Variants in ATP6V0A1 observed in about 807,000 individuals in gnomAD.
ATP6V0A1 encodes ATPase H+ transporting V0 subunit a1.
Under a neutral mutation model 105.4 loss-of-function variants are expected in ATP6V0A1, and 43 were observed. That is an observed-to-expected ratio of 0.41 (90% CI 0.32 to 0.53). The LOEUF (loss-of-function observed/expected upper bound fraction) is 0.53, where lower values mean the gene tolerates loss of function less well. Among genes scored for constraint, ATP6V0A1 ranks in the 20% least tolerant of loss-of-function variants. ATP6V0A1 has a pLI of 0.30. For synonymous variants in ATP6V0A1, 362 were observed against 372.8 expected (o/e 0.97, Z 0.33); for missense variants, 676 against 1,051.1 (o/e 0.64, Z 4.93).
chr17:42,482,548 A>C (rs1312182243), intron 8 of ATP6V0A1, among the ~76,000 whole-genome samples: 1 of 151,892 alleles, frequency 6.6e-6, no homozygotes, highest in Non-Finnish European at 1.5e-5. Flanking sequence ...AGCTACAGAG[A>C]ATGTCAAGAT....
At chr17:42,466,798 C>A (rs2087128563) in intron 3 of ATP6V0A1, among the ~76,000 whole-genome samples, 1 of 151,972 alleles carries the variant, frequency 6.6e-6, no homozygotes, top group African/African-American at 2.4e-5. Flanking sequence ...GAAATAGGAC[C>A]CAGCACACCA....
At chr17:42,499,075 C>A in intron 15 of ATP6V0A1, 33 bp downstream of exon 15, 1 of 1,450,244 alleles carries the variant, frequency 6.9e-7, no homozygotes, top group Non-Finnish European at 9.7e-7. Flanking sequence ...TAAGAATGTG[C>A]ATAGTTTAGA....
At chr17:42,499,082 TAGAGAATGCTTTTGTGTAA>T (rs772497711) in intron 15 of ATP6V0A1, 40 bp downstream of exon 15, 1 of 1,391,966 alleles carries the variant, frequency 7.2e-7, no homozygotes, top group African/African-American at 1.4e-5. Context: ...GTGCATAGTT[TAGAGAATGCTTTTGTGTAA>T]AGAAATCATG....
chr17:42,505,945 G>A (rs905485100), intron 17 of ATP6V0A1, among the ~76,000 whole-genome samples: 47 of 150,940 alleles, frequency 3.1e-4, no homozygotes, highest in Admixed American at 3.0e-3. Context: ...CCACCTCTAC[G>A]CCCAACTAAT....
intron 9 of ATP6V0A1, among the ~76,000 whole-genome samples, chr17:42,486,811 A>G (rs1389736299): frequency 2.0e-5 from 3 of 152,164 alleles, no homozygotes; most frequent in Non-Finnish European, 4.4e-5. Flanking sequence ...ATGCCTACTG[A>G]GTTACATTCC....
chr17:42,480,942 G>C (rs8080161), intron 8 of ATP6V0A1, 193 bp downstream of exon 8: 9 of 456,126 alleles, frequency 2.0e-5, no homozygotes, highest in African/African-American at 1.0e-4. Flanking sequence ...TTGTTCAGAT[G>C]GGGGGGTCTC....
chr17:42,475,222 ATTGT>A (rs1310284438), intron 5 of ATP6V0A1, among the ~76,000 whole-genome samples: 1 of 152,168 alleles, frequency 6.6e-6, no homozygotes, highest in East Asian at 1.9e-4. Flanking sequence ...GATGGCAGTA[ATTGT>A]TTGTTCTTGG....
intron 15 of ATP6V0A1, among the ~76,000 whole-genome samples, chr17:42,499,521 C>A (rs1309394785): frequency 1.3e-5 from 2 of 151,588 alleles, no homozygotes; most frequent in African/African-American, 4.9e-5. Context: ...GGTGCAGTGG[C>A]TTACACTTGT....
At chr17:42,516,500 CCTCAGTGCACGA>C (rs1466662069) in intron 21 of ATP6V0A1, among the ~76,000 whole-genome samples, 1 of 152,232 alleles carries the variant, frequency 6.6e-6, no homozygotes, top group Non-Finnish European at 1.5e-5. Flanking sequence ...CCTCAGCCCT[CCTCAGTGCACGA>C]GAACCTCTGA....
chr17:42,470,384 C>A, intron 5 of ATP6V0A1, 166 bp downstream of exon 5: 1 of 778,250 alleles, frequency 1.3e-6, no homozygotes, highest in Non-Finnish European at 2.0e-6. Context: ...ATTTTTCATG[C>A]AGTACACAAC....
intron 2 of ATP6V0A1, among the ~76,000 whole-genome samples, chr17:42,462,313 C>T (rs1466939759): frequency 6.6e-6 from 1 of 152,022 alleles, no homozygotes; most frequent in Non-Finnish European, 1.5e-5. Flanking sequence ...ATAATTGAAA[C>T]CTCTGTTTCT....
intron 15 of ATP6V0A1, among the ~76,000 whole-genome samples, chr17:42,499,973 C>T (rs1286805402): frequency 6.7e-6 from 1 of 149,752 alleles, no homozygotes; most frequent in Non-Finnish European, 1.5e-5. Flanking sequence ...TGGGGGCTCA[C>T]ACCTGTAATG....
intron 18 of ATP6V0A1, 48 bp downstream of exon 18, chr17:42,507,675 C>T (rs2146222860): frequency 6.6e-7 from 1 of 1,511,970 alleles, no homozygotes; most frequent in Non-Finnish European, 9.2e-7. Context: ...TCGGGTCAGC[C>T]CTAGTCTTGT....
At position 42,464,417 on chromosome 17, in the gene ATP6V0A1, T is replaced by C. The variant is rs530609743; in HGVS notation, c.118-2012T>C. Among the ~76,000 whole-genome samples the C allele has an allele frequency of 3.3e-5, 5 of 152,258 alleles. No individual in the cohort carries two copies. The East Asian group carries it at 9.6e-4, about 29-fold the overall frequency. On this transcript the variant is annotated intron_variant, in intron 2 of 21. Coordinates refer to ENST00000343619, the MANE Select transcript of ATP6V0A1 (RefSeq NM_001130021.3). The stretch of plus-strand genomic sequence containing the variant: ...GTGTTTGTATTTTTTTTTTTCTTTT[T>C]TTTGAGACTGAGTCTAGTTCTGTCA...
intron 1 of ATP6V0A1, among the ~76,000 whole-genome samples, chr17:42,459,448 T>A (rs1293396382): frequency 6.6e-6 from 1 of 152,242 alleles, no homozygotes; most frequent in Non-Finnish European, 1.5e-5. Context: ...GCAGAATTGC[T>A]GTTTCTTCAT....
intron 11 of ATP6V0A1, among the ~76,000 whole-genome samples, chr17:42,492,230 T>G (rs7222758): frequency 0.99 from 149,819 of 151,892 alleles, 73,924 homozygotes; most frequent in Middle Eastern, 1. Context: ...TTAGCCGGAT[T>G]TGGTGGCATG....
intron 10 of ATP6V0A1, among the ~76,000 whole-genome samples, chr17:42,489,529 A>G (rs1598893079): frequency 6.6e-6 from 1 of 151,994 alleles, no homozygotes; most frequent in Admixed American, 6.6e-5. Flanking sequence ...TGACAATGGG[A>G]AAAAAAATGA....
At chr17:42,502,738 AC>A (rs1413786686) in intron 17 of ATP6V0A1, 3 of 149,834 alleles carry the variant, frequency 2.0e-5, no homozygotes, top group Non-Finnish European at 4.5e-5. Flanking sequence ...TCCCCACTTC[AC>A]TCCCTCCCTC....
chr17:42,490,391 T>C, intron 10 of ATP6V0A1, 96 bp from the exon 11 acceptor site: 1 of 1,088,170 alleles, frequency 9.2e-7, no homozygotes, highest in Non-Finnish European at 1.3e-6. Context: ...ATTTTATGTG[T>C]ACCATTTGAT....
Sources: allele counts gnomAD v4.1 joint callset (sites outside exome capture counted in the v4.1 genomes callset), GRCh38; gene constraint gnomAD v4.1.1; transcripts MANE v1.5; gene names NCBI Gene and HGNC (gene_info 2026-07-23, HGNC 2026-07-21).